The following MYBPH variants were observed in gnomAD, a reference collection of about 807,000 sequenced individuals.
The protein encoded by MYBPH is myosin-binding protein H.
MYBPH carries 49 observed loss-of-function variants against 53.6 expected under a neutral mutation model. That is an observed-to-expected ratio of 0.91 (90% CI 0.73 to 1.16). The LOEUF is 1.16. Ranked by LOEUF, MYBPH falls within the 50% of genes most tolerant of loss-of-function variation. The probability of loss-of-function intolerance (pLI) is 0.00; values close to 1 mark genes in which losing one functional copy is unlikely to be tolerated. For missense variants in MYBPH, 558 were observed against 624.1 expected (o/e 0.89, Z 1.13); for synonymous variants, 239 against 249.6 (o/e 0.96, Z 0.40).
At chr1:203,178,190 A>G (rs1343725272), upstream of MYBPH, among the ~76,000 whole-genome samples, 1 of 152,156 alleles carries the variant, frequency 6.6e-6, no homozygotes, top group Non-Finnish European at 1.5e-5. Flanking sequence ...TCCACCTCAT[A>G]AAGGCTGAAA....
chr1:203,171,225 A>G lies in MYBPH; in HGVS notation c.794-25T>C. The stretch of plus-strand genomic sequence containing the variant: ...TCTGTAGGCCCAGAGTGTGAGAGGA[A>G]GTGAGTGTGAGGGCCAGGCTGGCCA... On this transcript the variant is annotated intron_variant, in intron 5 of 10. Transcript: ENST00000255416. The surrounding 1 kb of genome is among the most constrained non-coding windows in gnomAD (Gnocchi z 4.2). 1 of 1,569,122 alleles carries G rather than the reference A, an allele frequency of 6.4e-7. No individual in the cohort carries two copies. Among genetic ancestry groups the G allele is most frequent in the East Asian group, 2.2e-5 (1 of 44,516 alleles).
chr1:203,178,368 G>T (rs1253762752), upstream of MYBPH, among the ~76,000 whole-genome samples: 1 of 152,228 alleles, frequency 6.6e-6, no homozygotes, highest in Non-Finnish European at 1.5e-5. Flanking sequence ...ACAGATTTCA[G>T]CCCAGCCACG....
intron 10 of MYBPH, 105 bp downstream of exon 10, chr1:203,168,522 G>C: frequency 8.8e-7 from 1 of 1,141,416 alleles, no homozygotes; most frequent in Non-Finnish European, 1.3e-6. Context: ...TGTCCACAGA[G>C]CTGACCACCA....
chr1:203,168,728 G>A, intron 9 of MYBPH, 53 bp from the exon 10 acceptor site: 1 of 1,592,030 alleles, frequency 6.3e-7, no homozygotes, highest in Non-Finnish European at 8.6e-7. Flanking sequence ...GAACTGGAAA[G>A]TTCACGGTTA....
At chr1:203,174,018 C>T (rs1409660132) in intron 3 of MYBPH, among the ~76,000 whole-genome samples, 4 of 152,208 alleles carry the variant, frequency 2.6e-5, no homozygotes, top group Admixed American at 2.6e-4. Context: ...GCAGCGCCTT[C>T]TCTCTGTTTC....
In MYBPH at chr1:203,169,453, C is replaced by G. The variant is rs964627428; in HGVS notation, c.1094-64G>C. 7.1e-6 allele frequency: 11 copies of G among 1,541,502 alleles called. No individual in the cohort carries two copies. In the African/African-American group the frequency reaches 9.6e-5, roughly 13 times the overall value. On this transcript the variant is annotated intron_variant, in intron 7 of 10. Transcript: ENST00000255416. The stretch of plus-strand genomic sequence containing the variant: ...CAGGAGTGAGGGAGACCTGTCAGGA[C>G]TGACTATGATTCAAGATCTATGGAT...
chr1:203,176,048 G>C (rs184316324), upstream of MYBPH, among the ~76,000 whole-genome samples: 187 of 152,278 alleles, frequency 1.2e-3, 5 homozygotes, highest in South Asian at 6.2e-3. Flanking sequence ...GTGCCCAGCT[G>C]GGGGAGGGCG....
At chr1:203,174,342 T>A (rs1348367644) in intron 3 of MYBPH, 88 bp downstream of exon 3, 6 of 1,496,168 alleles carry the variant, frequency 4.0e-6, no homozygotes, top group Non-Finnish European at 5.4e-6. Flanking sequence ...AATGACTGCC[T>A]GGTTCCCTCT....
intron 3 of MYBPH, among the ~76,000 whole-genome samples, chr1:203,174,016 TTC>T (rs2102192352): frequency 6.6e-6 from 1 of 152,350 alleles, no homozygotes; most frequent in Non-Finnish European, 1.5e-5. Flanking sequence ...AAGCAGCGCC[TTC>T]TCTCTGTTTC....
At position 203,170,784 on chromosome 1, in the gene MYBPH, TC is replaced by T. The variant is rs1259495648; in HGVS notation, c.933+276del. Among the ~76,000 whole-genome samples the T allele has an allele frequency of 5.3e-5, 8 of 152,180 alleles. No individual in the cohort carries two copies. The East Asian group carries it at 1.5e-3, about 29-fold the overall frequency. ...AGTCAGACTCTGCCTCTTAGCAAGC[TC>T]CCCAGGTGACTCATGTGGACATTAA... On this transcript the variant is annotated intron_variant, in intron 6 of 10. Coordinates refer to ENST00000255416, the MANE Select transcript of MYBPH (RefSeq NM_004997.3).
At chr1:203,169,223 C>T in intron 8 of MYBPH, 30 bp downstream of exon 8, 2 of 1,586,754 alleles carry the variant, frequency 1.3e-6, no homozygotes, top group Non-Finnish European at 1.7e-6. Flanking sequence ...CCCCCACCAG[C>T]CCAGGGCACA....
intron 7 of MYBPH, 111 bp from the exon 8 acceptor site, chr1:203,169,500 AG>A (rs766515102): frequency 3.3e-5 from 48 of 1,435,730 alleles, no homozygotes; most frequent in Non-Finnish European, 4.4e-5. Flanking sequence ...GCTTATTTGC[AG>A]GAACTTGGAC....
chr1:203,177,624 A>C (rs1054536631), upstream of MYBPH, among the ~76,000 whole-genome samples: 2 of 152,088 alleles, frequency 1.3e-5, no homozygotes. Context: ...TGGAGACTGG[A>C]TCTCCATCCT....
chr1:203,173,324 G>C (rs934866191), intron 3 of MYBPH, among the ~76,000 whole-genome samples: 1 of 152,212 alleles, frequency 6.6e-6, no homozygotes, highest in African/African-American at 2.4e-5. Context: ...TGCCTGGTGG[G>C]GCCACATCTC....
chr1:203,171,189 G>GT lies in MYBPH; in HGVS notation c.804dup (p.Pro269ThrfsTer61). 6.3e-7 allele frequency: 1 copy of GT among 1,598,246 alleles called. No individual in the cohort carries two copies. The highest frequency in any genetic ancestry group is 1.8e-5 in the Admixed American group (1 of 57,070). ...TCCAGGAGCCTGATGCTGCTGGGGG[G>GT]TCCAGGTTTCTCTGTAGGCCCAGAG... is the stretch of plus-strand genomic sequence containing the variant. On this transcript the variant is annotated frameshift_variant, in exon 6 of 11. Coordinates refer to ENST00000255416, the MANE Select transcript of MYBPH (RefSeq NM_004997.3). LOFTEE classifies it high-confidence loss of function. This position sits in a 1 kb window ranked among gnomAD's most constrained non-coding sequence, Gnocchi z 4.2.
chr1:203,178,510 G>A (rs1028176637), upstream of MYBPH, among the ~76,000 whole-genome samples: 3 of 152,168 alleles, frequency 2.0e-5, no homozygotes, highest in African/African-American at 7.2e-5. Flanking sequence ...ATTTCCTGCT[G>A]GCCCTGAGGG....
upstream of MYBPH, among the ~76,000 whole-genome samples, chr1:203,176,737 G>C (rs1655818038): frequency 6.6e-6 from 1 of 152,184 alleles, no homozygotes; most frequent in African/African-American, 2.4e-5. Context: ...AATGCCATGT[G>C]TCAGGAAGGA....
At position 203,171,135 on chromosome 1, in the gene MYBPH, A is replaced by C. The variant is rs1364542948; in HGVS notation, c.859T>G (p.Trp287Gly). ...TTGCCTGTGTCCTGGGGTGGCGTCCACTGAAGAGCAGCATTGCAGCCCCAG... is the reference window on the plus strand; with the variant it reads ...TTGCCTGTGTCCTGGGGTGGCGTCCCCTGAAGAGCAGCATTGCAGCCCCAG... The part of the protein sequence containing the change: ...DVWGCNAALQ[W>G]TPPQDTGNTE... Residue 287 changes from tryptophan (W) to glycine (G), a missense_variant, in exon 6 of 11, where the codon TGG (tryptophan) becomes GGG (glycine). By Grantham distance (184) the Trp-to-Gly change is radical (BLOSUM62 -2). Transcript: ENST00000255416. The surrounding 1 kb of genome is among the most constrained non-coding windows in gnomAD (Gnocchi z 4.2). 2.5e-6 allele frequency: 4 copies of C among 1,613,400 alleles called. No homozygotes were observed. Among genetic ancestry groups the C allele is most frequent in the Non-Finnish European group, 3.4e-6 (4 of 1,179,718 alleles).
chr1:203,175,763 C>T lies in MYBPH; in HGVS notation c.-8G>A. ...GGTGTTTTTTTCCATCATTGCTGGA[C>T]TGGCTGGGGGGCCAGGGTGGAGTGT... On this transcript the variant is annotated 5_prime_UTR_variant, in exon 1 of 11. Coordinates refer to ENST00000255416, the MANE Select transcript of MYBPH (RefSeq NM_004997.3). The T allele has an allele frequency of 1.2e-6, 2 of 1,613,668 alleles. No homozygotes were observed. The highest frequency in any genetic ancestry group is 1.7e-6 in the Non-Finnish European group (2 of 1,179,992).
Sources: gnomAD v4.1 joint callset for allele counts (sites outside exome capture counted in the v4.1 genomes callset) on GRCh38, gnomAD v4.1.1 for gene constraint, Gnocchi (gnomAD v3.1) non-coding constraint, MANE v1.5 for transcripts, NCBI Gene and HGNC (gene_info 2026-07-23, HGNC 2026-07-21) for gene names.